Variants in CNTLN observed in about 807,000 individuals in gnomAD.
The protein encoded by CNTLN is centlein, centrosomal protein.
In CNTLN, 212 loss-of-function variants were observed where a neutral mutation model predicts 180.0. That is an observed-to-expected ratio of 1.18 (90% CI 1.05 to 1.32). The LOEUF (loss-of-function observed/expected upper bound fraction) is 1.32. Among genes scored for constraint, CNTLN ranks in the 40% most tolerant of loss-of-function variants. The probability of loss-of-function intolerance (pLI) is 0.00; values close to 1 mark genes in which losing one functional copy is unlikely to be tolerated. For synonymous variants in CNTLN, 722 were observed against 563.1 expected (o/e 1.28, Z -3.99); for missense variants, 2,095 against 1,610.9 (o/e 1.30, Z -5.14).
intron 2 of CNTLN, among the ~76,000 whole-genome samples, chr9:17,209,729 C>T (rs1034989114): frequency 6.6e-6 from 1 of 152,166 alleles, no homozygotes; most frequent in Non-Finnish European, 1.5e-5. Context: ...TATAGCTACT[C>T]ATACTCATTT....
intron 6 of CNTLN, among the ~76,000 whole-genome samples, chr9:17,290,112 G>T (rs1829269851): frequency 6.6e-6 from 1 of 152,146 alleles, no homozygotes; most frequent in African/African-American, 2.4e-5. Context: ...TAGTTTTTCT[G>T]TTCTGTTTTT....
intron 14 of CNTLN, among the ~76,000 whole-genome samples, chr9:17,392,927 G>A (rs764452277): frequency 6.6e-6 from 1 of 151,964 alleles, no homozygotes; most frequent in Non-Finnish European, 1.5e-5. Flanking sequence ...GAATATGTAT[G>A]TTTTATCTTG....
Position 17,147,814 on chromosome 9 carries a change from T to A in CNTLN, c.449+4438T>A, listed in dbSNP as rs566754435. ...TTTTGTTGTACATTAGGGCTATTTTTAAAAATAGTATAATAATGCCGTGAT... is the reference window on the plus strand; with the variant it reads ...TTTTGTTGTACATTAGGGCTATTTTAAAAAATAGTATAATAATGCCGTGAT... On this transcript the variant is annotated intron_variant, in intron 2 of 25. Transcript: ENST00000380647. Among the ~76,000 whole-genome samples, 177 of 152,312 alleles carry A rather than the reference T, an allele frequency of 1.2e-3. 3 individuals carry two copies. The South Asian group carries it at 0.034, about 29-fold the overall frequency.
rs567087574 is a variant in CNTLN at position 17,237,489 on chromosome 9, C to A, written c.849+901C>A. 3.4e-4 allele frequency among the ~76,000 whole-genome samples: 47 copies of A among 138,530 alleles called. 1 individual carries two copies. The highest frequency in any genetic ancestry group is 1.2e-3 in the African/African-American group (45 of 36,904). The allele number at this position is 138,530 out of a possible 152,430, so 90.9% of individuals were successfully genotyped here. On this transcript the variant is annotated intron_variant, in intron 5 of 25. Transcript: ENST00000380647. The stretch of plus-strand genomic sequence containing the variant: ...GATCAAGCTATTCAGAAAAAAAAAA[C>A]AACACAATTAAAAGTAACAATACAA...
At chr9:17,436,116 C>T (rs1829759468) in intron 18 of CNTLN, among the ~76,000 whole-genome samples, 1 of 152,040 alleles carries the variant, frequency 6.6e-6, no homozygotes. Flanking sequence ...TATGCTTTAC[C>T]TAATTTTGTA....
At chr9:17,143,147 C>T (rs771796913) in intron 1 of CNTLN, 141 bp from the exon 2 acceptor site, 45 of 560,126 alleles carry the variant, frequency 8.0e-5, no homozygotes, top group Non-Finnish European at 1.3e-4. Context: ...AGTTTTACCC[C>T]ATTCCTTTAA....
chr9:17,417,318 C>G (rs183626911), intron 18 of CNTLN, among the ~76,000 whole-genome samples: 56 of 152,166 alleles, frequency 3.7e-4, no homozygotes, highest in African/African-American at 1.1e-3. Flanking sequence ...CTTTCCTTTT[C>G]TTTTCTCCTA....
intron 13 of CNTLN, among the ~76,000 whole-genome samples, chr9:17,367,142 T>A (rs1347180451): frequency 6.6e-6 from 1 of 152,214 alleles, no homozygotes; most frequent in Non-Finnish European, 1.5e-5. Flanking sequence ...TTCCCCTATC[T>A]CCTGGCAGTG....
chr9:17,358,146 G>A (rs1484338844), intron 12 of CNTLN, among the ~76,000 whole-genome samples: 4 of 152,010 alleles, frequency 2.6e-5, no homozygotes. Flanking sequence ...TTTAAAGGTA[G>A]TGAAACAGGA....
intron 6 of CNTLN, among the ~76,000 whole-genome samples, chr9:17,283,142 A>T (rs1375798095): frequency 6.6e-6 from 1 of 152,146 alleles, no homozygotes. Context: ...ATGGTAGTTT[A>T]ATAGGAATAG....
chr9:17,514,388 C>T, the CNTLN span, among the ~76,000 whole-genome samples: 2 of 152,042 alleles, frequency 1.3e-5, no homozygotes, highest in Non-Finnish European at 2.9e-5. Context: ...AAAGATCTGC[C>T]ATTTAGAAAG....
intron 14 of CNTLN, among the ~76,000 whole-genome samples, chr9:17,393,614 G>A (rs536552203): frequency 1.8e-4 from 27 of 152,258 alleles, no homozygotes; most frequent in Middle Eastern, 3.4e-3. Context: ...AAAGATAATT[G>A]TTGGTTCTAC....
At chr9:17,141,800 T>G (rs1818117783) in intron 1 of CNTLN, among the ~76,000 whole-genome samples, 1 of 151,920 alleles carries the variant, frequency 6.6e-6, no homozygotes. Context: ...ATAACCAAGA[T>G]TGGCTGGGCA....
intron 2 of CNTLN, among the ~76,000 whole-genome samples, chr9:17,225,137 A>T (rs897494707): frequency 2.6e-5 from 4 of 151,976 alleles, no homozygotes; most frequent in Non-Finnish European, 5.9e-5. Flanking sequence ...GGGGAGCTAC[A>T]TCTATAAACT....
chr9:17,355,218 G>T (rs531484446), intron 12 of CNTLN, among the ~76,000 whole-genome samples: 5 of 152,188 alleles, frequency 3.3e-5, no homozygotes, highest in South Asian at 2.1e-4. Context: ...ACGGGGTTTC[G>T]CCATGTTGCC....
intron 3 of CNTLN, among the ~76,000 whole-genome samples, chr9:17,229,866 T>G (rs1313567774): frequency 6.6e-6 from 1 of 152,174 alleles, no homozygotes; most frequent in African/African-American, 2.4e-5. Flanking sequence ...CGCTGTGGTA[T>G]GAGTTAGAGG....
At chr9:17,421,548 A>C (rs1329341485) in intron 18 of CNTLN, among the ~76,000 whole-genome samples, 1 of 151,686 alleles carries the variant, frequency 6.6e-6, no homozygotes, top group Admixed American at 6.6e-5. Context: ...TTGGTTGGAG[A>C]GTTTAGTCCA....
intron 12 of CNTLN, among the ~76,000 whole-genome samples, chr9:17,359,094 C>G (rs1389296014): frequency 6.6e-6 from 1 of 151,670 alleles, no homozygotes; most frequent in Non-Finnish European, 1.5e-5. Context: ...TCTCAGCTTG[C>G]TGCAGCCTCA....
the CNTLN span, among the ~76,000 whole-genome samples, chr9:17,517,521 A>C: frequency 6.6e-6 from 1 of 152,188 alleles, no homozygotes; most frequent in African/African-American, 2.4e-5. Context: ...TTCAATACCT[A>C]GTGTCCTTAG....
Sources: allele counts gnomAD v4.1 joint callset (sites outside exome capture counted in the v4.1 genomes callset), GRCh38; gene constraint gnomAD v4.1.1; transcripts MANE v1.5; gene names NCBI Gene and HGNC (gene_info 2026-07-23, HGNC 2026-07-21).